The following JAK2 variants were observed in gnomAD, a reference collection of about 807,000 sequenced individuals.
The protein encoded by JAK2 is tyrosine-protein kinase JAK2.
In JAK2, 86 loss-of-function variants were observed where a neutral mutation model predicts 139.3. The observed-to-expected ratio is 0.62, with a 90% CI of 0.52 to 0.74. JAK2 has a LOEUF of 0.74. Ranked by LOEUF, JAK2 falls within the 30% of genes least tolerant of loss-of-function variation. The pLI is 0.00. For synonymous variants in JAK2, 490 were observed against 437.7 expected, an observed-to-expected ratio of 1.12 and a Z score of -1.49; for missense variants, 1,421 against 1,360.3, an observed-to-expected ratio of 1.04 and a Z score of -0.70.
intron 2 of JAK2, among the ~76,000 whole-genome samples, chr9:5,013,460 GCTT>G (rs1480107349): frequency 6.6e-6 from 1 of 152,106 alleles, no homozygotes; most frequent in Non-Finnish European, 1.5e-5. Flanking sequence ...TATATTCTTG[GCTT>G]CTTCTTCAGA....
chr9:5,055,550 TG>T, intron 7 of JAK2, 118 bp from the exon 8 acceptor site: 1 of 736,688 alleles, frequency 1.4e-6, no homozygotes, highest in Non-Finnish European at 2.1e-6. Flanking sequence ...GCTTATCTAT[TG>T]TTATCAATAC....
intron 2 of JAK2, among the ~76,000 whole-genome samples, chr9:4,991,691 C>T (rs1300304003): frequency 7.4e-6 from 1 of 134,934 alleles, no homozygotes; most frequent in Non-Finnish European, 1.6e-5. Context: ...TTTCCCACCC[C>T]CCCACCCCAC....
chr9:5,062,837 T>A (rs536284257), intron 8 of JAK2, among the ~76,000 whole-genome samples: 1 of 152,176 alleles, frequency 6.6e-6, no homozygotes, highest in East Asian at 1.9e-4. Flanking sequence ...CAATACCTCA[T>A]GTGTTTATAG....
chr9:5,101,382 G>C (rs1821471830), intron 22 of JAK2, among the ~76,000 whole-genome samples: 3 of 152,256 alleles, frequency 2.0e-5, no homozygotes, highest in South Asian at 2.1e-4. Context: ...GGCCAGGGAA[G>C]CTCGAACTGG....
At chr9:4,992,291 T>C (rs1332653653) in intron 2 of JAK2, among the ~76,000 whole-genome samples, 1 of 151,960 alleles carries the variant, frequency 6.6e-6, no homozygotes, top group African/African-American at 2.4e-5. Flanking sequence ...TAGTGGTGAG[T>C]AGAGAATTAA....
intron 5 of JAK2, among the ~76,000 whole-genome samples, chr9:5,047,607 G>T (rs1817101840): frequency 6.6e-6 from 1 of 152,118 alleles, no homozygotes; most frequent in African/African-American, 2.4e-5. Context: ...AATTTCTTAA[G>T]TTCAAATTTT....
At chr9:5,048,737 A>G (rs917981933) in intron 5 of JAK2, among the ~76,000 whole-genome samples, 1 of 152,188 alleles carries the variant, frequency 6.6e-6, no homozygotes, top group Admixed American at 6.5e-5. Context: ...ATACTTTTAA[A>G]TATGTTTCTT....
chr9:4,990,256 G>A lies in JAK2; in HGVS notation c.-26+4234G>A, dbSNP rs968937574. 2.0e-5 allele frequency among the ~76,000 whole-genome samples: 3 copies of A among 152,160 alleles called. No individual in the cohort carries two copies. In the East Asian group the frequency reaches 5.8e-4, roughly 29 times the overall value. On this transcript the variant is annotated intron_variant, in intron 2 of 24. Coordinates refer to ENST00000381652, the MANE Select transcript of JAK2 (RefSeq NM_004972.4). ...CATCTTAGAACATCTAAGTCTATAT[G>A]TTTTGTATATTAGGACTCAGACCAG... is the stretch of plus-strand genomic sequence containing the variant.
At chr9:5,073,626 C>G (rs915768044) in intron 13 of JAK2, 72 bp from the exon 14 acceptor site, 1 of 1,092,526 alleles carries the variant, frequency 9.2e-7, no homozygotes, top group African/African-American at 1.6e-5. Flanking sequence ...TTTATTATGG[C>G]AGAGAGAATT....
chr9:5,104,391 A>AT (rs1293030201), intron 22 of JAK2, among the ~76,000 whole-genome samples: 3 of 152,210 alleles, frequency 2.0e-5, no homozygotes, highest in African/African-American at 7.2e-5. Flanking sequence ...GAATAGACCA[A>AT]TAACAGGCTC....
intron 22 of JAK2, among the ~76,000 whole-genome samples, chr9:5,104,128 G>C (rs1438661460): frequency 6.6e-6 from 1 of 152,068 alleles, no homozygotes; most frequent in Non-Finnish European, 1.5e-5. Context: ...TCCAGGAGCT[G>C]GTTTTTCAAA....
rs1240580484 is a variant in JAK2, at chr9:5,123,053, G to A, written c.3109G>A (p.Val1037Ile). 1 of 1,611,916 alleles carries A rather than the reference G, an allele frequency of 6.2e-7. No individual in the cohort carries two copies. The highest frequency in any genetic ancestry group is 8.5e-7 in the Non-Finnish European group (1 of 1,178,584). Residue 1037 changes from valine (V) to isoleucine (I), a missense_variant, in exon 23 of 25, where the codon GTT becomes ATT. Physicochemically the swap from Val to Ile is conservative, Grantham distance 29. Coordinates refer to ENST00000381652, the MANE Select transcript of JAK2 (RefSeq NM_004972.4). ...TESKFSVASDVWSFGVVLYEL... is the reference protein window; with the variant it reads ...TESKFSVASDIWSFGVVLYEL... ...GAGCAAGTTTTCTGTGGCCTCAGAT[G>A]TTTGGAGCTTTGGAGTGGTTCTGTA...
At chr9:5,064,653 A>C (rs1468223238) in intron 8 of JAK2, among the ~76,000 whole-genome samples, 4 of 152,264 alleles carry the variant, frequency 2.6e-5, no homozygotes, top group African/African-American at 9.6e-5. Context: ...AAATAAAGTA[A>C]AATGATGGCT....
intron 2 of JAK2, among the ~76,000 whole-genome samples, chr9:5,017,169 A>G (rs1205464606): frequency 6.6e-6 from 1 of 152,234 alleles, no homozygotes; most frequent in Non-Finnish European, 1.5e-5. Flanking sequence ...TTCTGGGGAA[A>G]GAAAATTATA....
At chr9:4,991,771 C>G (rs1820268769) in intron 2 of JAK2, among the ~76,000 whole-genome samples, 2 of 137,330 alleles carry the variant, frequency 1.5e-5, no homozygotes, top group African/African-American at 5.3e-5. Context: ...GCCGTTTTCA[C>G]CTTTATAATG....
Position 5,128,900 on chromosome 9 carries a change from G to C in JAK2, c.*2109G>C, listed in dbSNP as rs982207554. On this transcript the variant is annotated 3_prime_UTR_variant, in exon 25 of 25. Coordinates refer to ENST00000381652, the MANE Select transcript of JAK2 (RefSeq NM_004972.4). ...AGAAACAAGGGTAAAGGTATTCTTA[G>C]AATTATGTAATTCTGTAACTATTCC... is the stretch of plus-strand genomic sequence containing the variant. 2.0e-5 allele frequency among the ~76,000 whole-genome samples: 3 copies of C among 151,918 alleles called. No homozygotes were observed. Among genetic ancestry groups the C allele is most frequent in the African/African-American group, 7.2e-5 (3 of 41,408 alleles).
chr9:5,004,384 G>C (rs750544486), intron 2 of JAK2, among the ~76,000 whole-genome samples: 13 of 152,086 alleles, frequency 8.5e-5, no homozygotes, highest in Non-Finnish European at 1.9e-4. Flanking sequence ...AGATCATACA[G>C]TTTTGTCTTT....
chr9:5,009,585 C>T (rs992319793), intron 2 of JAK2, among the ~76,000 whole-genome samples: 1 of 152,098 alleles, frequency 6.6e-6, no homozygotes, highest in African/African-American at 2.4e-5. Context: ...TTATCTGTTT[C>T]TTCTGGGGTC....
At chr9:5,067,346 G>C (rs1038417182) in intron 10 of JAK2, among the ~76,000 whole-genome samples, 47 of 152,164 alleles carry the variant, frequency 3.1e-4, no homozygotes, top group Non-Finnish European at 5.3e-4. Flanking sequence ...GATCATTTTG[G>C]ATCTCATCTA....
Sources: allele counts gnomAD v4.1 joint callset (sites outside exome capture counted in the v4.1 genomes callset), GRCh38; gene constraint gnomAD v4.1.1; transcripts MANE v1.5; gene names NCBI Gene and HGNC (gene_info 2026-07-23, HGNC 2026-07-21).